The following CCM2L variants were observed in gnomAD, a reference collection of about 807,000 sequenced individuals.
The protein encoded by CCM2L is cerebral cavernous malformations 2 protein-like.
In CCM2L, 36 loss-of-function variants were observed where a neutral mutation model predicts 54.1. The observed-to-expected ratio is 0.67, with a 90% CI of 0.51 to 0.88. CCM2L has a LOEUF of 0.88. Among genes scored for constraint, CCM2L ranks in the 40% least tolerant of loss-of-function variants. The pLI is 0.00. For synonymous variants in CCM2L, 351 were observed against 359.3 expected (o/e 0.98, Z 0.26); for missense variants, 700 against 812.1 (o/e 0.86, Z 1.68).
Position 32,017,969 on chromosome 20 carries a change from C to G in CCM2L, c.283-10C>G. On this transcript the variant is annotated splice_polypyrimidine_tract_variant and intron_variant, in intron 3 of 9. Coordinates refer to ENST00000452892, the MANE Select transcript of CCM2L (RefSeq NM_001365692.1). ...GACCTCGGGAACTCGAGATCTGCCC[C>G]TCCCTGCAGCAGCTGAAGGAGCTGC... 6.2e-7 allele frequency: 1 copy of G among 1,613,440 alleles called. No homozygotes were observed. Among genetic ancestry groups the G allele is most frequent in the South Asian group, 1.1e-5 (1 of 91,056 alleles).
rs1048025150 is a variant in CCM2L at position 32,032,073 on chromosome 20, C to T, written c.*759C>T. On this transcript the variant is annotated 3_prime_UTR_variant, in exon 10 of 10. Coordinates refer to ENST00000452892, the MANE Select transcript of CCM2L (RefSeq NM_001365692.1). ...CCCCATCTGTCCAGTGAGCTCAGCC[C>T]CCATCCACCTAACAGGGTGGCCACA... The T allele has an allele frequency of 1.3e-5, 2 of 152,228 alleles. No homozygotes were observed. Among genetic ancestry groups the T allele is most frequent in the Non-Finnish European group, 2.9e-5 (2 of 68,098 alleles). The allele number at this position is 152,228 out of a possible 1,614,324, so 9.4% of individuals were successfully genotyped here. A position where few individuals can be genotyped will look rare whatever the true frequency, so the allele number is the denominator to read the frequency against.
rs935746087 is a variant in CCM2L at position 32,018,141 on chromosome 20, C to T, written c.445C>T (p.His149Tyr). ...AASYLQDDAL[H>Y]LLVLKTGLGV... ...CTCCTACCTGCAGGACGACGCGCTG[C>T]ACCTGCTAGTGCTCAAGACCGGTGC... The change falls in exon 4 of 10, where the codon CAC becomes TAC. Residue 149 changes from histidine to tyrosine, a missense_variant. By Grantham distance (83) the His-to-Tyr change is moderately conservative. Transcript: ENST00000452892. The T allele has an allele frequency of 1.9e-6, 3 of 1,592,054 alleles. No individual in the cohort carries two copies. The highest frequency in any genetic ancestry group is 1.7e-6 in the Non-Finnish European group (2 of 1,171,978).
chr20:32,020,556 C>G (rs1407868977), intron 5 of CCM2L, among the ~76,000 whole-genome samples: 1 of 152,248 alleles, frequency 6.6e-6, no homozygotes, highest in Non-Finnish European at 1.5e-5. Context: ...AAACCTGCCA[C>G]TCCCTTGGTT....
chr20:32,022,037 C>G (rs1275412684), intron 5 of CCM2L, among the ~76,000 whole-genome samples: 5 of 152,170 alleles, frequency 3.3e-5, no homozygotes, highest in Non-Finnish European at 5.9e-5. Flanking sequence ...TCATCAATTA[C>G]TGGTTTTCTG....
rs1277990198 is a variant in CCM2L, at chr20:32,018,173, AGGGGGCGGGGGCGGGGGAGGGGC to A, written c.466+51_466+73del. 0.03 allele frequency: 27,346 copies of A among 917,178 alleles called. 5,159 individuals are homozygous for A. The highest frequency in any genetic ancestry group is 0.16 in the African/African-American group (6,487 of 39,844). The allele number at this position is 917,178 out of a possible 1,614,324, so 56.8% of individuals were successfully genotyped here. ...TAGTGCTCAAGACCGGTGCGGCGGG[AGGGGGCGGGGGCGGGGGAGGGGC>A]GGGGGCGGGGGCGGGGGAGGGGCGG... On this transcript the variant is annotated intron_variant, in intron 4 of 9. Coordinates refer to ENST00000452892, the MANE Select transcript of CCM2L (RefSeq NM_001365692.1).
Position 32,014,962 on chromosome 20 carries a change from G to C in CCM2L, c.89G>C (p.Cys30Ser), listed in dbSNP as rs755135619. ...CCCAAGGCCGGGCGCCGGGCAGCCTGTAGGAGCAGCGTGAGCCGCCGGCCC... is the reference window on the plus strand; with the variant it reads ...CCCAAGGCCGGGCGCCGGGCAGCCTCTAGGAGCAGCGTGAGCCGCCGGCCC... Reference protein sequence around the residue: ...VFPKAGRRAACRSSVSRRPLH... With the variant: ...VFPKAGRRAASRSSVSRRPLH... The change falls in exon 2 of 10, where the codon TGT (cysteine) becomes TCT (serine). Residue 30 changes from cysteine (C) to serine (S), a missense_variant. Coordinates refer to ENST00000452892, the MANE Select transcript of CCM2L (RefSeq NM_001365692.1). 1 of 1,601,594 alleles carries C rather than the reference G, an allele frequency of 6.2e-7. No individual in the cohort carries two copies. Among genetic ancestry groups the C allele is most frequent in the Non-Finnish European group, 8.5e-7 (1 of 1,174,156 alleles).
In CCM2L at chr20:32,020,756, C is replaced by T. The variant is rs562728732; in HGVS notation, c.933+1347C>T. Reference sequence around the variant, plus strand: ...ATCCCAGCACTTTGGGAGGCTGAGGCGGGTGGATCACCTGAGTTGAGGAGT... The same window carrying T: ...ATCCCAGCACTTTGGGAGGCTGAGGTGGGTGGATCACCTGAGTTGAGGAGT... On this transcript the variant is annotated intron_variant, in intron 5 of 9. Coordinates refer to ENST00000452892, the MANE Select transcript of CCM2L (RefSeq NM_001365692.1). 1.1e-4 allele frequency among the ~76,000 whole-genome samples: 17 copies of T among 152,266 alleles called. No individual in the cohort carries two copies. The South Asian group carries it at 2.7e-3, about 24-fold the overall frequency.
At chr20:32,022,994 G>A (rs902290564) in intron 6 of CCM2L, among the ~76,000 whole-genome samples, 199 bp downstream of exon 6, 14 of 152,044 alleles carry the variant, frequency 9.2e-5, no homozygotes, top group African/African-American at 3.4e-4. Context: ...TTGAGACAGA[G>A]TCTCCCTCTG....
intron 8 of CCM2L, 136 bp from the exon 9 acceptor site, chr20:32,029,564 C>G (rs1186716613): frequency 2.6e-6 from 3 of 1,143,304 alleles, no homozygotes; most frequent in Non-Finnish European, 3.6e-6. Context: ...TCTAGATGTC[C>G]TCTGAATAGC....
chr20:32,031,493 G>A lies in CCM2L; in HGVS notation c.*179G>A, dbSNP rs2064928652. On this transcript the variant is annotated 3_prime_UTR_variant, in exon 10 of 10. Coordinates refer to ENST00000452892, the MANE Select transcript of CCM2L (RefSeq NM_001365692.1). ...ATGCAGTACCTGGAGTGTCCTGCAG[G>A]GGGAAAGCGAAGCCGGGCCCTGAAG... 1 of 399,198 alleles carries A rather than the reference G, an allele frequency of 2.5e-6. No homozygotes were observed. The highest frequency in any genetic ancestry group is 2.2e-5 in the African/African-American group (1 of 45,526). 24.7% of individuals were successfully genotyped at this position (399,198 alleles called of 1,614,324 possible).
In CCM2L at chr20:32,028,753, AAC is replaced by A; in HGVS notation, c.1134-239_1134-238del. 7 of 519,002 alleles carry A rather than the reference AAC, an allele frequency of 1.3e-5. No individual in the cohort carries two copies. In the South Asian group the frequency reaches 1.6e-4, roughly 12 times the overall value. The allele number at this position is 519,002 out of a possible 1,614,324, so 32.1% of individuals were successfully genotyped here. On this transcript the variant is annotated intron_variant, in intron 7 of 9. Transcript: ENST00000452892. Reference sequence around the variant, plus strand: ...CCAGGCAGAGGGACCAGCAGGTGCAAACACCCAGAGGTGAGGAGATAGTAGAG... The same window carrying A: ...CCAGGCAGAGGGACCAGCAGGTGCAAACCCAGAGGTGAGGAGATAGTAGAG...
intron 1 of CCM2L, among the ~76,000 whole-genome samples, chr20:32,013,781 C>G (rs1351430328): frequency 6.6e-6 from 1 of 152,126 alleles, no homozygotes; most frequent in Non-Finnish European, 1.5e-5. Context: ...ATAGCCAGGG[C>G]TGGGAGCGAC....
intron 7 of CCM2L, chr20:32,028,460 A>G (rs1226042675): frequency 1.3e-5 from 2 of 151,746 alleles, no homozygotes; most frequent in African/African-American, 4.9e-5. Context: ...AATTTTGAAC[A>G]GGATAGAGCT....
chr20:32,015,320 T>C (rs1396215787), intron 2 of CCM2L, among the ~76,000 whole-genome samples: 1 of 152,236 alleles, frequency 6.6e-6, no homozygotes, highest in African/African-American at 2.4e-5. Flanking sequence ...GGGAGAGTGT[T>C]CTGTGCGTGG....
At chr20:32,019,449 G>C in intron 5 of CCM2L, 40 bp downstream of exon 5, 1 of 1,411,590 alleles carries the variant, frequency 7.1e-7, no homozygotes, top group African/African-American at 1.5e-5. Context: ...CCCGGCTTCG[G>C]GAACGCTGCT....
chr20:32,014,942 G>C lies in CCM2L; in HGVS notation c.69G>C (p.Lys23Asn). 1 of 1,602,310 alleles carries C rather than the reference G, an allele frequency of 6.2e-7. No individual in the cohort carries two copies. Among genetic ancestry groups the C allele is most frequent in the Non-Finnish European group, 8.5e-7 (1 of 1,174,432 alleles). Residue 23 changes from lysine (K) to asparagine (N), a missense_variant, in exon 2 of 10, where the codon AAG becomes AAC. By Grantham distance (94) the Lys-to-Asn change is moderately conservative. Coordinates refer to ENST00000452892, the MANE Select transcript of CCM2L (RefSeq NM_001365692.1). ...VSPIRRLVFP[K>N]AGRRAACRSS... is the part of the protein sequence containing the mutation. ...CCATCCGAAGGCTGGTGTTCCCCAA[G>C]GCCGGGCGCCGGGCAGCCTGTAGGA...
At chr20:32,013,431 G>A (rs1004301976) in intron 1 of CCM2L, among the ~76,000 whole-genome samples, 1 of 151,954 alleles carries the variant, frequency 6.6e-6, no homozygotes, top group Admixed American at 6.6e-5. Flanking sequence ...GTGTGGAGTG[G>A]GGGGGTGGGG....
rs908569083 is a variant in CCM2L, at chr20:32,031,191, C to T, written c.1593C>T (p.His531=). 1.4e-5 allele frequency: 18 copies of T among 1,301,796 alleles called. No homozygotes were observed. In the East Asian group the frequency reaches 2.8e-4, roughly 20 times the overall value. The allele number at this position is 1,301,796 out of a possible 1,614,324, so 80.6% of individuals were successfully genotyped here. ...AAQRPEAQAF[H]RLLADITHDI... ...AGCGGCCCGAGGCACAGGCCTTCCACCGGCTGCTGGCTGACATCACGCACG... is the reference window on the plus strand; with the variant it reads ...AGCGGCCCGAGGCACAGGCCTTCCATCGGCTGCTGGCTGACATCACGCACG... The change falls in exon 10 of 10, where the codon CAC becomes CAT. Residue 531 remains histidine (H), a synonymous_variant. Transcript: ENST00000452892.
intron 5 of CCM2L, among the ~76,000 whole-genome samples, chr20:32,020,454 C>G (rs1212902704): frequency 1.3e-5 from 2 of 152,206 alleles, no homozygotes; most frequent in Non-Finnish European, 2.9e-5. Flanking sequence ...ATCTATCCTT[C>G]ATCTACCCAT....
Sources: allele counts gnomAD v4.1 joint callset (sites outside exome capture counted in the v4.1 genomes callset), GRCh38; gene constraint gnomAD v4.1.1; transcripts MANE v1.5; gene names NCBI Gene and HGNC (gene_info 2026-07-23, HGNC 2026-07-21).